AKR1B1: variants seen among roughly 807,000 people sequenced by gnomAD.
AKR1B1 encodes aldo-keto reductase family 1 member B.
Under a neutral mutation model 40.4 loss-of-function variants are expected in AKR1B1, and 22 were observed. That is an observed-to-expected ratio of 0.54 (90% CI 0.39 to 0.78). AKR1B1 has a LOEUF of 0.78. Among genes scored for constraint, AKR1B1 ranks in the 30% least tolerant of loss-of-function variants. The pLI is 0.00. For missense variants in AKR1B1, 357 were observed against 396.7 expected, an observed-to-expected ratio of 0.90 and a Z score of 0.85; for synonymous variants, 157 against 149.9, an observed-to-expected ratio of 1.05 and a Z score of -0.35.
rs755740371 is a variant in AKR1B1, at chr7:134,448,447, C to A, written c.599G>T (p.Cys200Phe). 24 of 1,613,900 alleles carry A rather than the reference C, an allele frequency of 1.5e-5. No homozygotes were observed. In the South Asian group the frequency reaches 2.5e-4, roughly 17 times the overall value. Residue 200 changes from cysteine to phenylalanine, a missense_variant, in exon 6 of 10, where the codon TGC (cysteine) becomes TTC (phenylalanine). Physicochemically the swap from Cys to Phe is radical, Grantham distance 205 (BLOSUM62 -2). Transcript: ENST00000285930. ...YLTQEKLIQY[C>F]QSKGIVVTAY... ...GGTCACCACGATGCCTTTGGACTGG[C>A]AGTACTGGATTAACTTCTCCTGAGT...
intron 1 of AKR1B1, among the ~76,000 whole-genome samples, chr7:134,456,526 A>C (rs1467712481): frequency 6.6e-6 from 1 of 151,978 alleles, no homozygotes; most frequent in African/African-American, 2.4e-5. Flanking sequence ...GTCATTAAAA[A>C]AAAAAAGGAA....
intron 9 of AKR1B1, chr7:134,445,026 T>A: frequency 3.1e-6 from 2 of 640,010 alleles, no homozygotes. Flanking sequence ...GCCCCAGGGC[T>A]GGAAGAAGAT....
chr7:134,450,123 C>T (rs1437695587), intron 3 of AKR1B1, among the ~76,000 whole-genome samples: 1 of 152,198 alleles, frequency 6.6e-6, no homozygotes, highest in Non-Finnish European at 1.5e-5. Flanking sequence ...ATAAAACTAC[C>T]ACCTGGCCCA....
intron 1 of AKR1B1, among the ~76,000 whole-genome samples, chr7:134,455,902 G>C (rs1806455617): frequency 6.6e-6 from 1 of 152,216 alleles, no homozygotes; most frequent in Non-Finnish European, 1.5e-5. Flanking sequence ...AAGACTGCCA[G>C]AAAGAAACCC....
intron 2 of AKR1B1, chr7:134,451,154 C>T (rs1806274488): frequency 3.4e-6 from 2 of 589,798 alleles, no homozygotes; most frequent in Non-Finnish European, 6.1e-6. Context: ...CTGCCCTAGG[C>T]CTAAGCAAGA....
Position 134,442,431 on chromosome 7 carries a change from A to G in AKR1B1, c.*297T>C. 3.2e-6 allele frequency: 1 copy of G among 308,678 alleles called. No individual in the cohort carries two copies. Among genetic ancestry groups the G allele is most frequent in the Non-Finnish European group, 6.0e-6 (1 of 165,522 alleles). 19.1% of individuals were successfully genotyped at this position (308,678 alleles called of 1,614,324 possible). On this transcript the variant is annotated 3_prime_UTR_variant, in exon 10 of 10. Transcript: ENST00000285930. The stretch of plus-strand genomic sequence containing the variant: ...TCCAGTTCCAAGCAGTCAAAACTCA[A>G]CCGTTAGTGGCACTATTTTGACCTG...
Position 134,450,898 on chromosome 7 carries a change from C to A in AKR1B1, c.239G>T (p.Trp80Leu). 1 of 1,613,750 alleles carries A rather than the reference C, an allele frequency of 6.2e-7. No individual in the cohort carries two copies. The highest frequency in any genetic ancestry group is 8.5e-7 in the Non-Finnish European group (1 of 1,179,716). The change falls in exon 3 of 10, where the codon TGG becomes TTG. Residue 80 changes from tryptophan to leucine, a missense_variant. By Grantham distance (61) the Trp-to-Leu change is moderately conservative. Transcript: ENST00000285930. ...CAGGCCCTTCTCATGGTACGTGCAC[C>A]ACAGCTAAGCCAGCGAGAGGGCACA... ...REELFIVSKL[W>L]CTYHEKGLVK...
At chr7:134,447,024 C>CCCCGGGTAA (rs2117449409) in intron 8 of AKR1B1, among the ~76,000 whole-genome samples, 1 of 152,254 alleles carries the variant, frequency 6.6e-6, no homozygotes, top group East Asian at 1.9e-4. Context: ...GCGAGATTCT[C>CCCCGGGTAA]CCCGGGTAAC....
intron 1 of AKR1B1, among the ~76,000 whole-genome samples, chr7:134,452,517 C>G (rs531839800): frequency 6.6e-6 from 1 of 152,332 alleles, no homozygotes; most frequent in South Asian, 2.1e-4. Context: ...ACCTGACCAT[C>G]TGAGTAACCA....
At chr7:134,444,151 T>A (rs369415890) in intron 9 of AKR1B1, among the ~76,000 whole-genome samples, 1 of 152,194 alleles carries the variant, frequency 6.6e-6, no homozygotes, top group East Asian at 1.9e-4. Context: ...GATTCACTCC[T>A]CTCCTCCTTG....
At chr7:134,444,625 TTACATGCG>T (rs1806042137) in intron 9 of AKR1B1, 1 of 159,176 alleles carries the variant, frequency 6.3e-6, no homozygotes. Context: ...AGAAAGTGAG[TTACATGCG>T]TCACCTAGTT....
At chr7:134,457,557 A>T (rs1190113780) in intron 1 of AKR1B1, among the ~76,000 whole-genome samples, 1 of 152,078 alleles carries the variant, frequency 6.6e-6, no homozygotes, top group Non-Finnish European at 1.5e-5. Flanking sequence ...TTCTTACCTT[A>T]TATTTACTAA....
At chr7:134,457,839 G>A (rs1409296606) in intron 1 of AKR1B1, among the ~76,000 whole-genome samples, 1 of 151,974 alleles carries the variant, frequency 6.6e-6, no homozygotes, top group Non-Finnish European at 1.5e-5. Context: ...TCTCTGCGGG[G>A]AAGAAAAAAG....
intron 1 of AKR1B1, among the ~76,000 whole-genome samples, chr7:134,455,441 G>A (rs922892381): frequency 6.6e-6 from 1 of 152,092 alleles, no homozygotes; most frequent in Non-Finnish European, 1.5e-5. Context: ...GCATACATAG[G>A]AGACTTACAA....
At chr7:134,450,274 G>A (rs1806243101) in intron 3 of AKR1B1, among the ~76,000 whole-genome samples, 1 of 152,138 alleles carries the variant, frequency 6.6e-6, no homozygotes. Context: ...AACTGAGGCA[G>A]TGGCTAGAAA....
intron 5 of AKR1B1, among the ~76,000 whole-genome samples, chr7:134,448,768 G>A (rs1806188497): frequency 6.6e-6 from 1 of 152,088 alleles, no homozygotes; most frequent in Admixed American, 6.6e-5. Flanking sequence ...TCTCATGGCT[G>A]CCTCTTTGTC....
At chr7:134,451,178 TC>T (rs958750488) in intron 2 of AKR1B1, 14 of 561,502 alleles carry the variant, frequency 2.5e-5, no homozygotes, top group Non-Finnish European at 4.2e-5. Context: ...CTCGAAACTT[TC>T]CCCCCGGGCT....
chr7:134,454,266 C>T (rs1806395354), intron 1 of AKR1B1, among the ~76,000 whole-genome samples: 1 of 152,210 alleles, frequency 6.6e-6, no homozygotes, highest in Admixed American at 6.5e-5. Context: ...TTGAAATGCT[C>T]TGGGCTGATG....
intron 1 of AKR1B1, among the ~76,000 whole-genome samples, chr7:134,457,896 G>A (rs1806520422): frequency 6.6e-6 from 1 of 152,034 alleles, no homozygotes; most frequent in African/African-American, 2.4e-5. Context: ...GCTACCCGCA[G>A]TGCTGAGGCA....
Sources: allele counts gnomAD v4.1 joint callset (sites outside exome capture counted in the v4.1 genomes callset), GRCh38; gene constraint gnomAD v4.1.1; transcripts MANE v1.5; gene names NCBI Gene and HGNC (gene_info 2026-07-23, HGNC 2026-07-21).